NPRL3: variants seen among roughly 807,000 people sequenced by gnomAD.
The protein encoded by NPRL3 is GATOR1 complex protein NPRL3.
Under a neutral mutation model 57.2 loss-of-function variants are expected in NPRL3, and 23 were observed. That is an observed-to-expected ratio of 0.40 (90% confidence interval 0.29 to 0.57). The LOEUF (loss-of-function observed/expected upper bound fraction) is 0.57. Ranked by LOEUF, NPRL3 falls within the 20% of genes least tolerant of loss-of-function variation. The probability of loss-of-function intolerance (pLI) is 0.42; values close to 1 mark genes in which losing one functional copy is unlikely to be tolerated. For missense variants in NPRL3, 691 were observed against 767.1 expected (o/e 0.90, Z 1.17); for synonymous variants, 333 against 321.1 (o/e 1.04, Z -0.39).
chr16:130,218 T>C (rs1416366384), intron 3 of NPRL3, among the ~76,000 whole-genome samples: 1 of 152,204 alleles, frequency 6.6e-6, no homozygotes, highest in African/African-American at 2.4e-5. Flanking sequence ...CATAGGGGTC[T>C]GCTTTCCTCT....
chr16:96,822 A>G (rs1596503795), intron 9 of NPRL3, among the ~76,000 whole-genome samples: 1 of 152,128 alleles, frequency 6.6e-6, no homozygotes, highest in African/African-American at 2.4e-5. Context: ...CAATTTGGTA[A>G]GTGCTCTCAC....
intron 5 of NPRL3, among the ~76,000 whole-genome samples, chr16:115,355 A>C (rs1899985088): frequency 6.6e-6 from 1 of 152,140 alleles, no homozygotes; most frequent in Non-Finnish European, 1.5e-5. Flanking sequence ...ATATATATTT[A>C]AAATGACAAA....
intron 5 of NPRL3, among the ~76,000 whole-genome samples, chr16:113,301 GA>G (rs1314070704): frequency 1.3e-5 from 2 of 152,206 alleles, no homozygotes; most frequent in Non-Finnish European, 2.9e-5. Context: ...TACAAAAAGA[GA>G]GGCACCAGGC....
Position 138,354 on chromosome 16 carries a change from A to C in NPRL3, c.-67-20T>G, listed in dbSNP as rs1229931842. 3.6e-6 allele frequency: 2 copies of C among 549,852 alleles called. No homozygotes were observed. The highest frequency in any genetic ancestry group is 4.7e-6 in the Non-Finnish European group (2 of 422,896). The allele number at this position is 549,852 out of a possible 1,614,324, so 34.1% of individuals were successfully genotyped here. ...GGGGGCCTGAGGAGGACGGAGCCGG[A>C]GGCGGAGGGGGCCTGAGGAGGACGA... On this transcript the variant is annotated intron_variant, in intron 1 of 13. Transcript: ENST00000611875.
chr16:117,455 G>C (rs1362060082), intron 4 of NPRL3, 80 bp from the exon 5 acceptor site: 2 of 969,498 alleles, frequency 2.1e-6, no homozygotes, highest in Non-Finnish European at 3.2e-6. Flanking sequence ...TTCAGGCATG[G>C]CAAAAGTCCC....
chr16:113,018 T>G (rs2141950792), intron 5 of NPRL3, among the ~76,000 whole-genome samples: 1 of 152,314 alleles, frequency 6.6e-6, no homozygotes, highest in Non-Finnish European at 1.5e-5. Context: ...AGTGGCTGCC[T>G]GAATAGTAAC....
At chr16:91,567 A>G (rs1898765350) in intron 11 of NPRL3, among the ~76,000 whole-genome samples, 1 of 152,128 alleles carries the variant, frequency 6.6e-6, no homozygotes, top group Non-Finnish European at 1.5e-5. Flanking sequence ...GCACTGCCCC[A>G]AGAGCAGGGG....
intron 9 of NPRL3, among the ~76,000 whole-genome samples, chr16:95,886 ACTAT>A (rs2141915280): frequency 6.6e-6 from 1 of 152,242 alleles, no homozygotes; most frequent in Admixed American, 6.5e-5. Context: ...GGGACTTTAA[ACTAT>A]CTGGTGACAT....
chr16:136,539 A>C (rs569699226), intron 2 of NPRL3, among the ~76,000 whole-genome samples: 1 of 151,888 alleles, frequency 6.6e-6, no homozygotes, highest in East Asian at 1.9e-4. Flanking sequence ...AATAAAAAAA[A>C]AAATTAGCTG....
rs1453095385 is a variant in NPRL3 at position 86,837 on chromosome 16, C to T, written c.1578G>A (p.Leu526=). 2 of 1,613,488 alleles carry T rather than the reference C, an allele frequency of 1.2e-6. No homozygotes were observed. The highest frequency in any genetic ancestry group is 8.5e-7 in the Non-Finnish European group (1 of 1,179,780). Reference sequence around the variant, plus strand: ...TGTTCTCGTTGTACATAATCTCCTCCAGGTGGTGGCGGCCGCGGAAGTAGT... The same window carrying T: ...TGTTCTCGTTGTACATAATCTCCTCTAGGTGGTGGCGGCCGCGGAAGTAGT... ...LLHYFRGRHH[L]EEIMYNENTR... Residue 526 remains leucine, a synonymous_variant, in exon 14 of 14, where the codon CTG becomes CTA. Coordinates refer to ENST00000611875, the MANE Select transcript of NPRL3 (RefSeq NM_001077350.3).
chr16:92,568 C>G, intron 11 of NPRL3, 28 bp downstream of exon 11: 1 of 1,609,736 alleles, frequency 6.2e-7, no homozygotes, highest in Non-Finnish European at 8.5e-7. Context: ...ACCTGCCACT[C>G]TGGGCTCCTT....
intron 3 of NPRL3, among the ~76,000 whole-genome samples, chr16:128,378 C>T (rs999379925): frequency 3.3e-5 from 5 of 152,202 alleles, no homozygotes; most frequent in South Asian, 2.1e-4. Context: ...AGGCAGGCCA[C>T]GACCACTCAC....
intron 2 of NPRL3, among the ~76,000 whole-genome samples, chr16:132,700 C>T (rs924662127): frequency 6.2e-5 from 9 of 145,676 alleles, no homozygotes; most frequent in African/African-American, 1.8e-4. Context: ...GACGGAGTCT[C>T]GCTCTGTCGC....
Position 110,561 on chromosome 16 carries a change from C to T in NPRL3, c.593G>A (p.Cys198Tyr), listed in dbSNP as rs956042191. The change falls in exon 7 of 14, where the codon TGC (cysteine) becomes TAC (tyrosine). Residue 198 changes from cysteine (C) to tyrosine (Y), a missense_variant. Coordinates refer to ENST00000611875, the MANE Select transcript of NPRL3 (RefSeq NM_001077350.3). ...TTCCTTGAGGTCCCTGGCCAGCTTGCACTTGGGCAGGATGTGATGGAATGG... is the reference window on the plus strand; with the variant it reads ...TTCCTTGAGGTCCCTGGCCAGCTTGTACTTGGGCAGGATGTGATGGAATGG... ...QSPFHHILPK[C>Y]KLARDLKEAY... 3.1e-6 allele frequency: 5 copies of T among 1,612,218 alleles called. No homozygotes were observed. In the Admixed American group the frequency reaches 5.0e-5, roughly 16 times the overall value.
chr16:95,901 T>A (rs577579485), intron 9 of NPRL3, among the ~76,000 whole-genome samples: 24 of 152,248 alleles, frequency 1.6e-4, no homozygotes, highest in African/African-American at 5.3e-4. Flanking sequence ...CTGGTGACAT[T>A]CACACCTGAG....
intron 9 of NPRL3, among the ~76,000 whole-genome samples, chr16:95,323 G>GTATATATA (rs1425173088): frequency 0.012 from 378 of 32,662 alleles, 6 homozygotes; most frequent in Middle Eastern, 0.03. Flanking sequence ...ATGTTTGTGT[G>GTATATATA]TGTATATATA....
chr16:136,291 T>A (rs999940351), intron 2 of NPRL3, among the ~76,000 whole-genome samples: 3 of 152,192 alleles, frequency 2.0e-5, no homozygotes, highest in Non-Finnish European at 4.4e-5. Context: ...AGGACAAGGG[T>A]GCTCGACAGG....
At chr16:138,096 C>G (rs970940147) in intron 2 of NPRL3, 54 bp downstream of exon 2, 7 of 1,425,372 alleles carry the variant, frequency 4.9e-6, no homozygotes. Context: ...ATGAGGCGAC[C>G]CCGGAATGAG....
chr16:92,040 C>G (rs760208143), intron 11 of NPRL3, among the ~76,000 whole-genome samples: 1 of 152,208 alleles, frequency 6.6e-6, no homozygotes, highest in Non-Finnish European at 1.5e-5. Flanking sequence ...AACCTGCCTG[C>G]CCGTTGCCCT....
Sources: allele counts gnomAD v4.1 joint callset (sites outside exome capture counted in the v4.1 genomes callset), GRCh38; gene constraint gnomAD v4.1.1; transcripts MANE v1.5; gene names NCBI Gene and HGNC (gene_info 2026-07-23, HGNC 2026-07-21).